The following DAD1 variants were observed in gnomAD, a reference collection of about 807,000 sequenced individuals.
DAD1 encodes the protein dolichyl-diphosphooligosaccharide--protein glycosyltransferase subunit DAD1.
A neutral mutation model predicts 9.0 loss-of-function variants in DAD1; 4 were observed. The observed-to-expected ratio is 0.44, with a 90% CI of 0.22 to 1.01. The LOEUF (loss-of-function observed/expected upper bound fraction) is 1.01. Among genes scored for constraint, DAD1 ranks in the 50% least tolerant of loss-of-function variants. DAD1 has a pLI of 0.24. For synonymous variants in DAD1, 60 were observed against 62.5 expected (o/e 0.96, Z 0.19); for missense variants, 119 against 137.3 (o/e 0.87, Z 0.67).
chr14:22,577,152 G>A (rs961029186), intron 1 of DAD1, among the ~76,000 whole-genome samples: 5 of 152,144 alleles, frequency 3.3e-5, no homozygotes, highest in South Asian at 2.1e-4. Context: ...GCAGGATCTC[G>A]GCCAGGCACA....
chr14:22,587,902 A>C (rs1365571503), intron 1 of DAD1, among the ~76,000 whole-genome samples: 3 of 152,092 alleles, frequency 2.0e-5, no homozygotes, highest in Non-Finnish European at 4.4e-5. Context: ...TGCCTGGCTA[A>C]TTTATGTATT....
At chr14:22,582,724 G>A (rs552582208) in intron 1 of DAD1, among the ~76,000 whole-genome samples, 6 of 152,204 alleles carry the variant, frequency 3.9e-5, no homozygotes, top group African/African-American at 7.2e-5. Context: ...AAACACAACC[G>A]GCCGGGCATG....
At chr14:22,573,100 G>A (rs997275576) in intron 2 of DAD1, among the ~76,000 whole-genome samples, 5 of 152,170 alleles carry the variant, frequency 3.3e-5, no homozygotes, top group Admixed American at 1.3e-4. Context: ...GGCCCTAAAT[G>A]GGCTGTATTT....
chr14:22,586,705 T>TA (rs1357383521), intron 1 of DAD1, among the ~76,000 whole-genome samples: 3 of 152,062 alleles, frequency 2.0e-5, no homozygotes, highest in Admixed American at 1.3e-4. Context: ...CCCAGCACCA[T>TA]AAAAAGGAAC....
intron 1 of DAD1, among the ~76,000 whole-genome samples, chr14:22,583,719 A>T (rs879334418): frequency 1.3e-5 from 2 of 152,096 alleles, no homozygotes; most frequent in Non-Finnish European, 2.9e-5. Context: ...GCAGAAGCGG[A>T]GTCCCTGAGT....
chr14:22,574,138 C>T (rs939861342), intron 2 of DAD1, among the ~76,000 whole-genome samples: 4 of 152,148 alleles, frequency 2.6e-5, no homozygotes, highest in African/African-American at 9.7e-5. Context: ...CAGTAAGCTA[C>T]ATGGGATACC....
At chr14:22,573,739 A>C (rs2037059007) in intron 2 of DAD1, among the ~76,000 whole-genome samples, 1 of 151,640 alleles carries the variant, frequency 6.6e-6, no homozygotes, top group African/African-American at 2.4e-5. Flanking sequence ...CAGAAAAGAA[A>C]AAAAAAAAGT....
intron 1 of DAD1, among the ~76,000 whole-genome samples, chr14:22,581,224 T>C (rs1164525315): frequency 6.6e-6 from 1 of 152,156 alleles, no homozygotes; most frequent in Non-Finnish European, 1.5e-5. Flanking sequence ...ATCAATAAGT[T>C]AACAAATAAA....
chr14:22,572,367 G>A (rs2037047258), intron 2 of DAD1, among the ~76,000 whole-genome samples: 1 of 151,436 alleles, frequency 6.6e-6, no homozygotes, highest in African/African-American at 2.4e-5. Context: ...CACATAAAAG[G>A]AGCAAATAAA....
At chr14:22,575,937 C>T (rs1231100942) in intron 1 of DAD1, among the ~76,000 whole-genome samples, 2 of 152,216 alleles carry the variant, frequency 1.3e-5, no homozygotes, top group African/African-American at 2.4e-5. Flanking sequence ...CCAGCTCCCA[C>T]ACAGAGACCA....
chr14:22,570,273 C>T (rs1375207294), intron 2 of DAD1, among the ~76,000 whole-genome samples: 1 of 152,148 alleles, frequency 6.6e-6, no homozygotes, highest in Non-Finnish European at 1.5e-5. Context: ...AAAAAGAAAT[C>T]AAACGGGAAA....
intron 2 of DAD1, among the ~76,000 whole-genome samples, chr14:22,565,630 T>G (rs2036997795): frequency 6.6e-6 from 1 of 152,106 alleles, no homozygotes; most frequent in African/African-American, 2.4e-5. Context: ...GACCAAAATA[T>G]AAGAAATAAT....
intron 1 of DAD1, among the ~76,000 whole-genome samples, chr14:22,579,935 G>A (rs1382266227): frequency 6.7e-6 from 1 of 149,492 alleles, no homozygotes; most frequent in Non-Finnish European, 1.5e-5. Flanking sequence ...GACCTCCTGG[G>A]CTCAAACAAT....
chr14:22,586,042 T>TA (rs1566375300), intron 1 of DAD1, among the ~76,000 whole-genome samples: 3 of 151,830 alleles, frequency 2.0e-5, no homozygotes, highest in Admixed American at 6.6e-5. Flanking sequence ...CTGTCTCCAC[T>TA]AAAAATACAA....
At chr14:22,568,825 G>A (rs1434197262) in intron 2 of DAD1, among the ~76,000 whole-genome samples, 1 of 151,870 alleles carries the variant, frequency 6.6e-6, no homozygotes, top group Non-Finnish European at 1.5e-5. Context: ...AGCCTTCTGA[G>A]TAGCTGGGAC....
chr14:22,583,132 T>C (rs1381087728), intron 1 of DAD1, among the ~76,000 whole-genome samples: 1 of 151,892 alleles, frequency 6.6e-6, no homozygotes, highest in East Asian at 1.9e-4. Flanking sequence ...AGACATCAAG[T>C]GAAGACATCA....
Position 22,588,973 on chromosome 14 carries a change from G to T in DAD1, c.185C>A (p.Ser62Tyr). The change falls in exon 1 of 3, where the codon TCT (serine) becomes TAT (tyrosine). Residue 62 changes from serine (S) to tyrosine (Y), a missense_variant. Ser to Tyr is a moderately radical substitution (Grantham distance 144). Coordinates refer to ENST00000250498, the MANE Select transcript of DAD1 (RefSeq NM_001344.4). ...CGCTAGGATGAAACTCCCCACACAA[G>T]AGATGAAGCCCGAGAGAAAAGAGTT... Reference protein sequence around the residue: ...PFNSFLSGFISCVGSFILAVC... With the variant: ...PFNSFLSGFIYCVGSFILAVC... The T allele has an allele frequency of 6.2e-7, 1 of 1,614,150 alleles. No individual in the cohort carries two copies. The highest frequency in any genetic ancestry group is 1.1e-5 in the South Asian group (1 of 91,084).
intron 2 of DAD1, among the ~76,000 whole-genome samples, chr14:22,570,706 T>A (rs1403024187): frequency 6.6e-6 from 1 of 152,244 alleles, no homozygotes; most frequent in Non-Finnish European, 1.5e-5. Context: ...TTTAAAATGT[T>A]CTGCCCAACC....
In DAD1 at chr14:22,589,161, T is replaced by C. The variant is rs1180103701; in HGVS notation, c.-4A>G. The C allele has an allele frequency of 1.9e-6, 3 of 1,614,156 alleles. No homozygotes were observed. The Admixed American group carries it at 5.0e-5, about 27-fold the overall frequency. ...CAGACACTACCGACGCCGACATAAC[T>C]GCACGCAAGGTACTCCGGTCCGCGC... is the stretch of plus-strand genomic sequence containing the variant. On this transcript the variant is annotated 5_prime_UTR_variant, in exon 1 of 3. Coordinates refer to ENST00000250498, the MANE Select transcript of DAD1 (RefSeq NM_001344.4).
Sources: allele counts gnomAD v4.1 joint callset (sites outside exome capture counted in the v4.1 genomes callset), GRCh38; gene constraint gnomAD v4.1.1; transcripts MANE v1.5; gene names NCBI Gene and HGNC (gene_info 2026-07-23, HGNC 2026-07-21).